Variants in TTC12 observed in about 807,000 individuals in gnomAD.
TTC12 encodes the protein tetratricopeptide repeat domain 12.
A neutral mutation model predicts 90.1 loss-of-function variants in TTC12; 70 were observed. The observed-to-expected ratio is 0.78, with a 90% CI of 0.64 to 0.95. TTC12 has a LOEUF of 0.95. TTC12 is among the 40% of genes least tolerant of loss of function. The probability of loss-of-function intolerance (pLI) is 0.00; values close to 1 mark genes in which losing one functional copy is unlikely to be tolerated. For synonymous variants in TTC12, 296 were observed against 311.5 expected (o/e 0.95, Z 0.53); for missense variants, 819 against 846.1 (o/e 0.97, Z 0.40).
chr11:113,362,537 G>T, intron 19 of TTC12, 35 bp downstream of exon 19: 1 of 1,370,352 alleles, frequency 7.3e-7, no homozygotes, highest in Non-Finnish European at 1.0e-6. Flanking sequence ...CCCCTGAAAT[G>T]TACAGAAGTC....
intron 14 of TTC12, among the ~76,000 whole-genome samples, chr11:113,350,852 C>T (rs1949244263): frequency 1.3e-5 from 2 of 152,212 alleles, no homozygotes; most frequent in Non-Finnish European, 1.5e-5. Flanking sequence ...GATGCGCATG[C>T]ATCCAGGCCC....
At chr11:113,351,963 ATC>A (rs1446279490) in intron 15 of TTC12, 105 bp from the exon 16 acceptor site, 2 of 1,292,412 alleles carry the variant, frequency 1.5e-6, no homozygotes. Context: ...ACATGAAGCT[ATC>A]TGGTTGGTTC....
chr11:113,341,963 G>T (rs369374169), intron 12 of TTC12, 38 bp downstream of exon 12: 3 of 1,548,032 alleles, frequency 1.9e-6, no homozygotes, highest in Admixed American at 1.7e-5. Context: ...CCATTAATGC[G>T]CTGCGTGCAG....
At chr11:113,335,650 C>A (rs1948328696) in intron 8 of TTC12, among the ~76,000 whole-genome samples, 1 of 152,162 alleles carries the variant, frequency 6.6e-6, no homozygotes, top group South Asian at 2.1e-4. Flanking sequence ...TTTGCCCGTT[C>A]TGTAGATTCC....
rs560872531 is a variant in TTC12 at position 113,351,341 on chromosome 11, C to G, written c.1308+42C>G. Reference sequence around the variant, plus strand: ...TTTCATCCTCTGTAACAGACACTCTCAGGAGCGTGAATGGGGCTGTTTAAA... The same window carrying G: ...TTTCATCCTCTGTAACAGACACTCTGAGGAGCGTGAATGGGGCTGTTTAAA... On this transcript the variant is annotated intron_variant, in intron 15 of 21. Coordinates refer to ENST00000529221, the MANE Select transcript of TTC12 (RefSeq NM_017868.4). 4 of 1,548,170 alleles carry G rather than the reference C, an allele frequency of 2.6e-6. No individual in the cohort carries two copies. The African/African-American group carries it at 4.1e-5, about 16-fold the overall frequency.
Position 113,323,424 on chromosome 11 carries a change from G to T in TTC12, c.195G>T (p.Met65Ile). 2.5e-6 allele frequency: 4 copies of T among 1,605,834 alleles called. No individual in the cohort carries two copies. The highest frequency in any genetic ancestry group is 3.4e-6 in the Non-Finnish European group (4 of 1,177,704). ...GCAGGACCACCTTGAACAAGACTAT[G>T]ATCAGTCCTCCACAAACTGCTATGA... ...DECRTTLNKTMISPPQTAMKS... is the reference protein window; with the variant it reads ...DECRTTLNKTIISPPQTAMKS... Residue 65 changes from methionine (M) to isoleucine (I), a missense_variant, in exon 3 of 22, where the codon ATG becomes ATT. Physicochemically the swap from Met to Ile is conservative, Grantham distance 10 (BLOSUM62 1). Coordinates refer to ENST00000529221, the MANE Select transcript of TTC12 (RefSeq NM_017868.4).
downstream of TTC12, among the ~76,000 whole-genome samples, chr11:113,366,547 G>A (rs549372408): frequency 8.7e-4 from 133 of 152,272 alleles, no homozygotes; most frequent in South Asian, 7.5e-3. Context: ...TTCTGTAGAA[G>A]CTAGAAACCA....
intron 21 of TTC12, 144 bp from the exon 22 acceptor site, chr11:113,366,081 A>G (rs547833825): frequency 3.6e-6 from 3 of 830,754 alleles, no homozygotes; most frequent in Admixed American, 2.2e-5. Flanking sequence ...GGGTACCCCA[A>G]TGCCACAGCC....
chr11:113,317,889 G>A (rs553667498), intron 2 of TTC12, among the ~76,000 whole-genome samples: 283 of 152,176 alleles, frequency 1.9e-3, no homozygotes, highest in Middle Eastern at 0.01. Context: ...TTTCTGTGAT[G>A]ATGAAAATGT....
intron 18 of TTC12, among the ~76,000 whole-genome samples, chr11:113,361,552 G>T (rs1158968763): frequency 6.6e-6 from 1 of 150,786 alleles, no homozygotes; most frequent in African/African-American, 2.5e-5. Context: ...GTACAAGGCA[G>T]TGGAGCTGCG....
intron 16 of TTC12, among the ~76,000 whole-genome samples, chr11:113,355,706 G>A (rs1217198904): frequency 6.6e-6 from 1 of 152,092 alleles, no homozygotes; most frequent in East Asian, 1.9e-4. Context: ...CTTGATTTCT[G>A]CCTTAATTGG....
At chr11:113,349,165 G>C (rs1426008988) in intron 13 of TTC12, among the ~76,000 whole-genome samples, 1 of 152,222 alleles carries the variant, frequency 6.6e-6, no homozygotes, top group Non-Finnish European at 1.5e-5. Context: ...TACACTTCAA[G>C]AGACACTGAA....
At chr11:113,368,449 C>CA (rs1565637625), downstream of TTC12, 5 of 1,550,558 alleles carry the variant, frequency 3.2e-6, no homozygotes, top group South Asian at 5.9e-5. Flanking sequence ...CCCTTGGAGA[C>CA]ACGGCTTGTT....
chr11:113,334,552 C>T (rs1438338483), intron 7 of TTC12, among the ~76,000 whole-genome samples: 2 of 151,958 alleles, frequency 1.3e-5, no homozygotes, highest in African/African-American at 4.8e-5. Context: ...ACATTTACCT[C>T]ACCTAGAGAG....
intron 13 of TTC12, among the ~76,000 whole-genome samples, chr11:113,345,645 G>A (rs2138014543): frequency 6.6e-6 from 1 of 152,320 alleles, no homozygotes; most frequent in Admixed American, 6.5e-5. Context: ...CCCAGGAAAG[G>A]CTTTGGCAAC....
At chr11:113,323,876 T>G in intron 3 of TTC12, 118 bp from the exon 4 acceptor site, 1 of 751,814 alleles carries the variant, frequency 1.3e-6, no homozygotes, top group Non-Finnish European at 2.2e-6. Flanking sequence ...TCAGTTTTGA[T>G]GGTTAAAAGA....
rs117966334 is a variant in TTC12 at position 113,344,696 on chromosome 11, G to A, written c.1154+256G>A. 9.2e-4 allele frequency among the ~76,000 whole-genome samples: 140 copies of A among 152,320 alleles called. 2 individuals are homozygous for A. The East Asian group carries it at 0.022, about 24-fold the overall frequency. On this transcript the variant is annotated intron_variant, in intron 13 of 21. Coordinates refer to ENST00000529221, the MANE Select transcript of TTC12 (RefSeq NM_017868.4). Reference sequence around the variant, plus strand: ...AAATGGTGCAAATGGCAGTGCTTCCGTAGCCAGATCAGGAGCCCCACCTTA... The same window carrying A: ...AAATGGTGCAAATGGCAGTGCTTCCATAGCCAGATCAGGAGCCCCACCTTA...
intron 6 of TTC12, among the ~76,000 whole-genome samples, chr11:113,326,117 A>C (rs1947680672): frequency 6.6e-6 from 1 of 152,276 alleles, no homozygotes; most frequent in South Asian, 2.1e-4. Context: ...ATTCTGCGAC[A>C]GGGATAAAGT....
chr11:113,336,339 A>G (rs782686912), intron 8 of TTC12, among the ~76,000 whole-genome samples: 1 of 152,064 alleles, frequency 6.6e-6, no homozygotes, highest in Non-Finnish European at 1.5e-5. Flanking sequence ...TTGCCTTTTC[A>G]TTTTCTTGAT....
Sources: gnomAD v4.1 joint callset for allele counts (sites outside exome capture counted in the v4.1 genomes callset) on GRCh38, gnomAD v4.1.1 for gene constraint, MANE v1.5 for transcripts, NCBI Gene and HGNC (gene_info 2026-07-23, HGNC 2026-07-21) for gene names.